The following UGGT1 variants were observed in gnomAD, a reference collection of about 807,000 sequenced individuals.
UGGT1 encodes the protein UDP-glucose glycoprotein glucosyltransferase 1, also known as UDP-glucose:glycoprotein glucosyltransferase 1.
Under a neutral mutation model 203.9 loss-of-function variants are expected in UGGT1, and 107 were observed. That is an observed-to-expected ratio of 0.52 (90% CI 0.45 to 0.62). The LOEUF is 0.62. Among genes scored for constraint, UGGT1 ranks in the 20% least tolerant of loss-of-function variants. UGGT1 has a pLI of 0.00. For synonymous variants in UGGT1, 628 were observed against 653.5 expected (o/e 0.96, Z 0.59); for missense variants, 1,673 against 1,867.2 (o/e 0.90, Z 1.92).
chr2:128,094,736 C>CTTTTTTT (rs70988604), intron 1 of UGGT1, among the ~76,000 whole-genome samples: 1 of 84,638 alleles, frequency 1.2e-5, no homozygotes, highest in African/African-American at 5.7e-5. Context: ...TAAGAGAATG[C>CTTTTTTT]TTTTTTTTTT....
chr2:128,096,788 C>G (rs141715984), intron 1 of UGGT1, among the ~76,000 whole-genome samples: 145 of 152,276 alleles, frequency 9.5e-4, no homozygotes, highest in Middle Eastern at 3.4e-3. Flanking sequence ...GCTTTATTTG[C>G]TTTCATCCTT....
At chr2:128,093,059 C>A (rs557944686) in intron 1 of UGGT1, among the ~76,000 whole-genome samples, 2 of 152,180 alleles carry the variant, frequency 1.3e-5, no homozygotes, top group African/African-American at 4.8e-5. Context: ...ACGTCTGCTT[C>A]TCTGGACAGT....
chr2:128,122,049 A>G (rs1390772649), intron 10 of UGGT1, among the ~76,000 whole-genome samples: 10 of 152,162 alleles, frequency 6.6e-5, no homozygotes, highest in Admixed American at 5.9e-4. Flanking sequence ...CTAAGTGACT[A>G]GTTCATAGTG....
chr2:128,093,297 C>G lies in UGGT1; in HGVS notation c.58+1882C>G, dbSNP rs543601983. 5.3e-5 allele frequency among the ~76,000 whole-genome samples: 8 copies of G among 152,292 alleles called. No homozygotes were observed. In the East Asian group the frequency reaches 1.5e-3, roughly 29 times the overall value. On this transcript the variant is annotated intron_variant, in intron 1 of 40. Coordinates refer to ENST00000259253, the MANE Select transcript of UGGT1 (RefSeq NM_020120.4). ...TCTTGCAGTCCTAGGCATTTTATAG[C>G]ATCTTCACTCTTGGTGCCACACTCC...
Position 128,115,162 on chromosome 2 carries a change from C to A in UGGT1, c.735C>A (p.Gly245=). 6.2e-7 allele frequency: 1 copy of A among 1,613,868 alleles called. No homozygotes were observed. Among genetic ancestry groups the A allele is most frequent in the Non-Finnish European group, 8.5e-7 (1 of 1,179,918 alleles). The change falls in exon 7 of 41, where the codon GGC becomes GGA. Residue 245 remains glycine, a synonymous_variant. Coordinates refer to ENST00000259253, the MANE Select transcript of UGGT1 (RefSeq NM_020120.4). ...RKEPVYLSGY[G]VELAIKSTEY... is the part of the protein sequence containing the mutation. ...AGCCTGTTTACCTCTCTGGCTATGG[C>A]GTGGAATTGGCCATTAAGAGCACTG... is the stretch of plus-strand genomic sequence containing the variant.
At position 128,177,924 on chromosome 2, in the gene UGGT1, A is replaced by G. The variant is rs1298834307; in HGVS notation, c.3713+4A>G. 2 of 1,594,722 alleles carry G rather than the reference A, an allele frequency of 1.3e-6. No individual in the cohort carries two copies. The highest frequency in any genetic ancestry group is 1.7e-6 in the Non-Finnish European group (2 of 1,171,384). ...GATTTTGGGATTCCTTCAAATGGTA[A>G]GTTGACATTGTAAGAGTTATGTTTT... On this transcript the variant is annotated splice_donor_region_variant and intron_variant, in intron 33 of 40. Transcript: ENST00000259253.
chr2:128,178,326 T>C, intron 33 of UGGT1, 142 bp from the exon 34 acceptor site: 1 of 698,482 alleles, frequency 1.4e-6, no homozygotes, highest in Non-Finnish European at 2.4e-6. Flanking sequence ...CTCCAGGGTG[T>C]GAGGGAAGCT....
At chr2:128,145,537 C>T (rs1442586387) in intron 17 of UGGT1, 6 of 339,004 alleles carry the variant, frequency 1.8e-5, no homozygotes, top group South Asian at 8.4e-5. Context: ...CACAAACACA[C>T]GTACACACAC....
At chr2:128,119,241 G>T (rs764851583) in intron 8 of UGGT1, among the ~76,000 whole-genome samples, 1 of 152,218 alleles carries the variant, frequency 6.6e-6, no homozygotes, top group Non-Finnish European at 1.5e-5. Context: ...ACAGGAAGTG[G>T]GTTGGTTGGA....
chr2:128,146,878 A>G (rs1040073116), intron 18 of UGGT1, among the ~76,000 whole-genome samples: 14 of 152,340 alleles, frequency 9.2e-5, no homozygotes, highest in Middle Eastern at 3.4e-3. Flanking sequence ...TATTGGACAG[A>G]TAGCTTGTTG....
intron 18 of UGGT1, among the ~76,000 whole-genome samples, chr2:128,150,304 A>G (rs1558796148): frequency 6.6e-6 from 1 of 152,188 alleles, no homozygotes; most frequent in Admixed American, 6.5e-5. Flanking sequence ...GCATTGTGGC[A>G]TGCACCTGTA....
chr2:128,091,693 G>A, intron 1 of UGGT1: 1 of 939,054 alleles, frequency 1.1e-6, no homozygotes, highest in Non-Finnish European at 1.5e-6. Flanking sequence ...GAAGGAAATG[G>A]GGGAGGTATC....
At chr2:128,108,971 G>A (rs71420827) in intron 4 of UGGT1, among the ~76,000 whole-genome samples, 25,341 of 151,834 alleles carry the variant, frequency 0.17, 2,593 homozygotes, top group South Asian at 0.32. Flanking sequence ...GTGCAGTGGC[G>A]CAATCACAGC....
intron 2 of UGGT1, among the ~76,000 whole-genome samples, chr2:128,099,828 G>A (rs936441628): frequency 2.0e-5 from 3 of 152,122 alleles, no homozygotes; most frequent in Non-Finnish European, 4.4e-5. Context: ...TTTTTTAAGA[G>A]TTCTTATTAT....
chr2:128,142,210 A>G (rs973779267), intron 16 of UGGT1, among the ~76,000 whole-genome samples: 19 of 150,744 alleles, frequency 1.3e-4, no homozygotes, highest in African/African-American at 4.6e-4. Flanking sequence ...TGCTGGGATT[A>G]CAGGTGTGAG....
intron 35 of UGGT1, 75 bp from the exon 36 acceptor site, chr2:128,180,815 G>T: frequency 6.9e-7 from 1 of 1,441,570 alleles, no homozygotes; most frequent in Non-Finnish European, 9.5e-7. Context: ...GTATCATGGT[G>T]GTTGGCTTAC....
At position 128,158,805 on chromosome 2, in the gene UGGT1, T is replaced by C. The variant is rs182087079; in HGVS notation, c.2356-709T>C. On this transcript the variant is annotated intron_variant, in intron 22 of 40. Transcript: ENST00000259253. ...TCTTTTCACCCAGGGAGAGATTGAA[T>C]TGTACTAGGAATGTGGGAAGGCTGT... Among the ~76,000 whole-genome samples, 198 of 152,286 alleles carry C rather than the reference T, an allele frequency of 1.3e-3. 1 individual carries two copies. Among genetic ancestry groups the C allele is most frequent in the African/African-American group, 4.5e-3 (188 of 41,552 alleles).
At chr2:128,098,814 A>G (rs1687234478) in intron 2 of UGGT1, among the ~76,000 whole-genome samples, 1 of 130,514 alleles carries the variant, frequency 7.7e-6, no homozygotes, top group African/African-American at 2.8e-5. Flanking sequence ...TCATAAAACA[A>G]TAGTTGTCTT....
intron 10 of UGGT1, among the ~76,000 whole-genome samples, chr2:128,122,533 TAA>T (rs67124308): frequency 3.1e-4 from 42 of 137,064 alleles, no homozygotes; most frequent in Admixed American, 3.0e-4. Flanking sequence ...AAACTCCGTC[TAA>T]AAAAAAAAAA....
Sources: allele counts gnomAD v4.1 joint callset (sites outside exome capture counted in the v4.1 genomes callset), GRCh38; gene constraint gnomAD v4.1.1; transcripts MANE v1.5; gene names NCBI Gene and HGNC (gene_info 2026-07-23, HGNC 2026-07-21).